Variants in SNORC observed in about 807,000 individuals in gnomAD.
SNORC encodes secondary ossification center associated regulator of chondrocyte maturation, also known as protein SNORC.
SNORC carries 11 observed loss-of-function variants against 9.7 expected under a neutral mutation model. That is an observed-to-expected ratio of 1.14 (90% CI 0.72 to 1.88). The LOEUF (loss-of-function observed/expected upper bound fraction) is 1.88. SNORC is among the 40% of genes most tolerant of loss of function. The pLI is 0.00. For missense variants in SNORC, 197 were observed against 173.1 expected, an observed-to-expected ratio of 1.14 and a Z score of -0.77; for synonymous variants, 108 against 88.7, an observed-to-expected ratio of 1.22 and a Z score of -1.22.
In SNORC at chr2:232,876,188, G is replaced by C; in HGVS notation, c.257-59G>C. On this transcript the variant is annotated intron_variant, in intron 2 of 2. Coordinates refer to ENST00000331342, the Ensembl canonical transcript of SNORC. This position sits in a 1 kb window ranked among gnomAD's most constrained non-coding sequence, Gnocchi z 6.8. ...AGGAGGGGCGGGGGGCGGGGGGCGCGGGGAGAAGGGCCGGCCAGGCGGGGG... is the reference window on the plus strand; with the variant it reads ...AGGAGGGGCGGGGGGCGGGGGGCGCCGGGAGAAGGGCCGGCCAGGCGGGGG... The C allele has an allele frequency of 7.0e-7, 1 of 1,426,958 alleles. No homozygotes were observed. Among genetic ancestry groups the C allele is most frequent in the Non-Finnish European group, 9.2e-7 (1 of 1,082,374 alleles). The allele number at this position is 1,426,958 out of a possible 1,614,324, so 88.4% of individuals were successfully genotyped here.
chr2:232,874,114 C>T (rs953542583), intron 1 of SNORC, among the ~76,000 whole-genome samples: 3 of 152,356 alleles, frequency 2.0e-5, no homozygotes, highest in African/African-American at 4.8e-5. Context: ...GACCTGCTAA[C>T]ATTTTATTGT....
downstream of SNORC, chr2:232,877,126 C>G: frequency 1.0e-6 from 1 of 985,926 alleles, no homozygotes; most frequent in Non-Finnish European, 1.2e-6. Context: ...CCCAGGGAGC[C>G]TCAGGAGCAG....
upstream of SNORC, chr2:232,869,899 A>G (rs746934287): frequency 3.6e-6 from 1 of 279,380 alleles, no homozygotes; most frequent in Non-Finnish European, 6.9e-6. Flanking sequence ...AGGCACTAAC[A>G]TGCAGATTCC....
chr2:232,875,853 C>CGGCA, intron 1 of SNORC, 87 bp from the exon 2 acceptor site: 1 of 1,371,130 alleles, frequency 7.3e-7, no homozygotes, highest in South Asian at 1.4e-5. Context: ...ACAGCGCTAC[C>CGGCA]GGCAACTTGC....
intron 1 of SNORC, among the ~76,000 whole-genome samples, chr2:232,871,502 G>A (rs1296170787): frequency 6.6e-6 from 1 of 152,196 alleles, no homozygotes; most frequent in African/African-American, 2.4e-5. Context: ...CAGACGTGCG[G>A]AGCTTTTGGG....
At chr2:232,868,600 A>G (rs1386508309), upstream of SNORC, among the ~76,000 whole-genome samples, 1 of 152,210 alleles carries the variant, frequency 6.6e-6, no homozygotes, top group African/African-American at 2.4e-5. Context: ...CTTGGTGAAT[A>G]GTGTGTACTA....
rs565105797 is a variant in SNORC at position 232,876,232 on chromosome 2, C to T, written c.257-15C>T. On this transcript the variant is annotated splice_polypyrimidine_tract_variant and intron_variant, in intron 2 of 2. Coordinates refer to ENST00000331342, the Ensembl canonical transcript of SNORC. The surrounding 1 kb of genome is among the most constrained non-coding windows in gnomAD (Gnocchi z 6.8). ...GCGGGGGCTAGCAGGTGACATGGTC[C>T]TCCGTCCTCCGCAGGGTCGCTGGGG... The T allele has an allele frequency of 4.0e-6, 6 of 1,499,374 alleles. No homozygotes were observed. Among genetic ancestry groups the T allele is most frequent in the African/African-American group, 2.9e-5 (2 of 69,008 alleles). The allele number at this position is 1,499,374 out of a possible 1,614,324, so 92.9% of individuals were successfully genotyped here. A position where few individuals can be genotyped will look rare whatever the true frequency, so the allele number is the denominator to read the frequency against.
chr2:232,875,787 G>C, intron 1 of SNORC, 153 bp from the exon 2 acceptor site: 1 of 844,980 alleles, frequency 1.2e-6, no homozygotes, highest in Non-Finnish European at 1.8e-6. Flanking sequence ...ACTGGCTTCA[G>C]CTTCTTAGCC....
At chr2:232,869,525 G>A (rs1355117314), upstream of SNORC, 5 of 152,334 alleles carry the variant, frequency 3.3e-5, no homozygotes, top group African/African-American at 1.2e-4. Context: ...ACTGAGTGAG[G>A]GAAGGGGCAG....
Position 232,874,441 on chromosome 2 carries a change from G to A in SNORC, c.74-1499G>A, listed in dbSNP as rs763329894. 5.3e-5 allele frequency among the ~76,000 whole-genome samples: 8 copies of A among 152,242 alleles called. No homozygotes were observed. In the East Asian group the frequency reaches 5.8e-4, roughly 11 times the overall value. On this transcript the variant is annotated intron_variant, in intron 1 of 2. Coordinates refer to ENST00000331342, the Ensembl canonical transcript of SNORC. ...TCCGATCACAGGCCTGTCCCTCCCCGTCCAGGAACATTGAGCTGTCTCCTT... is the reference window on the plus strand; with the variant it reads ...TCCGATCACAGGCCTGTCCCTCCCCATCCAGGAACATTGAGCTGTCTCCTT...
chr2:232,867,451 T>C (rs1476550643), upstream of SNORC, among the ~76,000 whole-genome samples: 5 of 152,268 alleles, frequency 3.3e-5, no homozygotes, highest in East Asian at 9.6e-4. Context: ...ATGTATAGTA[T>C]TATTCATTGC....
chr2:232,871,691 G>A (rs1289632374), intron 1 of SNORC, among the ~76,000 whole-genome samples: 1 of 152,234 alleles, frequency 6.6e-6, no homozygotes, highest in Non-Finnish European at 1.5e-5. Flanking sequence ...ATGGGGGGAA[G>A]GGACTTAAAG....
At chr2:232,871,444 C>T (rs568351103) in intron 1 of SNORC, among the ~76,000 whole-genome samples, 2 of 152,318 alleles carry the variant, frequency 1.3e-5, no homozygotes, top group East Asian at 3.9e-4. Context: ...GATGGTGACA[C>T]AGCCACGCTC....
At chr2:232,869,310 G>A (rs1690938397), upstream of SNORC, among the ~76,000 whole-genome samples, 1 of 152,186 alleles carries the variant, frequency 6.6e-6, no homozygotes, top group Admixed American at 6.5e-5. Flanking sequence ...GTCACGGCCA[G>A]TGGACTGAAA....
chr2:232,875,828 G>C lies in SNORC; in HGVS notation c.74-112G>C, dbSNP rs970016433. On this transcript the variant is annotated intron_variant, in intron 1 of 2. Coordinates refer to ENST00000331342, the Ensembl canonical transcript of SNORC. ...AATGTGAGGGCTAGTGCAGCGCTGA[G>C]CCCAGACCCCTCACACAGCGCTACC... 3.5e-6 allele frequency: 4 copies of C among 1,144,576 alleles called. No individual in the cohort carries two copies. In the Admixed American group the frequency reaches 1.1e-4, roughly 30 times the overall value. The allele number at this position is 1,144,576 out of a possible 1,614,324, so 70.9% of individuals were successfully genotyped here.
At chr2:232,877,463 T>C, downstream of SNORC, 1 of 646,518 alleles carries the variant, frequency 1.5e-6, no homozygotes, top group Non-Finnish European at 1.9e-6. Flanking sequence ...GTTGGACAGT[T>C]TGGAGGCCAG....
upstream of SNORC, among the ~76,000 whole-genome samples, chr2:232,868,474 A>G (rs1309267953): frequency 1.3e-5 from 2 of 152,184 alleles, no homozygotes; most frequent in Non-Finnish European, 2.9e-5. Flanking sequence ...CTGCTACTTT[A>G]GAATCACATT....
Position 232,876,358 on chromosome 2 carries a change from G to T in SNORC, c.*2G>T. On this transcript the variant is annotated 3_prime_UTR_variant, in exon 3 of 3. Coordinates refer to ENST00000331342, the Ensembl canonical transcript of SNORC. This position sits in a 1 kb window ranked among gnomAD's most constrained non-coding sequence, Gnocchi z 6.8. ...CTGAGAAAGTTTTCTGCCTCCTGAA[G>T]CGAATAAAGGGGCCGCGCCCGGCCG... 6.5e-7 allele frequency: 1 copy of T among 1,530,880 alleles called. No individual in the cohort carries two copies. The allele number at this position is 1,530,880 out of a possible 1,614,324, so 94.8% of individuals were successfully genotyped here.
At chr2:232,866,946 CAG>C (rs1690890530), upstream of SNORC, among the ~76,000 whole-genome samples, 1 of 152,116 alleles carries the variant, frequency 6.6e-6, no homozygotes, top group East Asian at 1.9e-4. Context: ...TTAGTAGAGA[CAG>C]GGTTTCACCA....
Sources: allele counts gnomAD v4.1 joint callset (sites outside exome capture counted in the v4.1 genomes callset), GRCh38; gene constraint gnomAD v4.1.1; non-coding constraint Gnocchi (gnomAD v3.1); transcripts MANE v1.5; gene names NCBI Gene and HGNC (gene_info 2026-07-23, HGNC 2026-07-21).